The following PDE4DIP variants were observed in gnomAD, a reference collection of about 807,000 sequenced individuals.
PDE4DIP encodes phosphodiesterase 4D interacting protein.
PDE4DIP carries 59 observed loss-of-function variants against 221.4 expected under a neutral mutation model. That is an observed-to-expected ratio of 0.27 (90% CI 0.22 to 0.33). The LOEUF is 0.33. Among genes scored for constraint, PDE4DIP ranks in the 10% least tolerant of loss-of-function variants. The pLI is 1.00. For synonymous variants in PDE4DIP, 404 were observed against 815.9 expected, an observed-to-expected ratio of 0.50 and a Z score of 8.60; for missense variants, 1,036 against 2,154.2, an observed-to-expected ratio of 0.48 and a Z score of 10.28.
intron 5 of PDE4DIP, among the ~76,000 whole-genome samples, chr1:148,958,306 A>G: frequency 6.6e-6 from 1 of 151,486 alleles, no homozygotes; most frequent in Middle Eastern, 3.4e-3. Context: ...TTTCACCTGC[A>G]CTACCGCAGC....
chr1:148,893,055 A>ATGTG (rs1274799026), intron 1 of PDE4DIP, among the ~76,000 whole-genome samples: 1 of 77,728 alleles, frequency 1.3e-5, no homozygotes, highest in African/African-American at 5.5e-5. Flanking sequence ...TTATATATAT[A>ATGTG]TGTGTGTGTC....
Position 148,867,603 on chromosome 1 carries a change from C to T in PDE4DIP, c.290-868C>T, listed in dbSNP as rs1379942954. 2.8e-5 allele frequency among the ~76,000 whole-genome samples: 4 copies of T among 143,548 alleles called. No individual in the cohort carries two copies. In the East Asian group the frequency reaches 6.0e-4, roughly 22 times the overall value. The allele number at this position is 143,548 out of a possible 152,430, so 94.2% of individuals were successfully genotyped here. ...TGGTTACCTTTTGTTATGTGACAAA[C>T]CATCCCAAAACTTAGTGACTTAAAA... On this transcript the variant is annotated intron_variant, in intron 2 of 45. Coordinates refer to the PDE4DIP transcript ENST00000524974.
At chr1:149,023,859 A>C (rs2074166776) in intron 37 of PDE4DIP, among the ~76,000 whole-genome samples, 2 of 151,284 alleles carry the variant, frequency 1.3e-5, no homozygotes, top group Admixed American at 1.3e-4. Context: ...TATATATAGT[A>C]TGTATATACA....
chr1:148,815,169 C>T (rs587770321), intron 1 of PDE4DIP, among the ~76,000 whole-genome samples: 2 of 116,406 alleles, frequency 1.7e-5, no homozygotes, highest in South Asian at 6.2e-4. Flanking sequence ...GACAAAGATC[C>T]AAACCTTTCA....
Position 149,010,438 on chromosome 1 carries a change from T to C in PDE4DIP, c.4928-5T>C, listed in dbSNP as rs2068259889. The C allele has an allele frequency of 4.3e-6, 7 of 1,613,210 alleles. No individual in the cohort carries two copies. In the East Asian group the frequency reaches 1.6e-4, roughly 36 times the overall value. On this transcript the variant is annotated splice_polypyrimidine_tract_variant and splice_region_variant and intron_variant, in intron 30 of 43. Transcript: ENST00000369354. The stretch of plus-strand genomic sequence containing the variant: ...TACGTTTTCTTTCATTCATGGATTT[T>C]ATAGATTCCATCCATCATTCGAGTC...
intron 22 of PDE4DIP, among the ~76,000 whole-genome samples, chr1:148,995,896 GAAAT>G (rs2064107937): frequency 6.9e-6 from 1 of 144,222 alleles, no homozygotes; most frequent in Non-Finnish European, 1.5e-5. Flanking sequence ...AATAAAAAAA[GAAAT>G]AAAAAATAAA....
intron 14 of PDE4DIP, 61 bp from the exon 18 acceptor site, chr1:148,972,119 A>T: frequency 2.3e-6 from 1 of 440,252 alleles, no homozygotes; most frequent in East Asian, 3.5e-5. Context: ...ATAATACCAG[A>T]ACAAAAAATT....
intron 16 of PDE4DIP, among the ~76,000 whole-genome samples, chr1:148,973,148 G>A (rs2059520977): frequency 7.3e-6 from 1 of 137,412 alleles, no homozygotes; most frequent in African/African-American, 2.7e-5. Flanking sequence ...TGTGTTCATT[G>A]CTACATGAAT....
Position 148,912,158 on chromosome 1 carries a change from C to A in PDE4DIP, c.142-17039C>A, listed in dbSNP as rs587770867. The stretch of plus-strand genomic sequence containing the variant: ...CAAATAAACATGACAGTTACCAGTG[C>A]AGGAAGATTTGTTTCTAGGTTTACC... On this transcript the variant is annotated intron_variant, in intron 1 of 43. Transcript: ENST00000369354. 5.2e-4 allele frequency among the ~76,000 whole-genome samples: 75 copies of A among 145,444 alleles called. 3 individuals carry two copies. Among genetic ancestry groups the A allele is most frequent in the Admixed American group, 5.0e-3 (74 of 14,724 alleles).
rs371234564 is a variant in PDE4DIP, at chr1:148,976,567, G to T, written c.2320-1370G>T. On this transcript the variant is annotated intron_variant, in intron 17 of 43. Coordinates refer to ENST00000369354, the Ensembl canonical transcript of PDE4DIP. ...GGACCTTCTCTAAGCTTGGGCTAGT[G>T]CTGGGGATGAGGTAGGTAGTGAATG... Among the ~76,000 whole-genome samples, 10 of 152,230 alleles carry T rather than the reference G, an allele frequency of 6.6e-5. No homozygotes were observed. In the East Asian group the frequency reaches 1.5e-3, roughly 24 times the overall value.
chr1:148,978,414 A>G, exon 19 of PDE4DIP: 1 of 1,588,926 alleles, frequency 6.3e-7, no homozygotes, highest in Non-Finnish European at 8.6e-7. Flanking sequence ...CGAAGACAAC[A>G]GGTAAGTTAC....
chr1:148,953,427 T>G, intron 5 of PDE4DIP: 1 of 1,614,232 alleles, frequency 6.2e-7, no homozygotes, highest in Non-Finnish European at 8.5e-7. Flanking sequence ...TTGTCTGAGG[T>G]TGGGCCACCC....
chr1:148,927,828 G>A (rs1363039011), intron 1 of PDE4DIP, among the ~76,000 whole-genome samples: 7 of 152,162 alleles, frequency 4.6e-5, no homozygotes, highest in African/African-American at 9.6e-5. Flanking sequence ...TTAACATTTT[G>A]CAGAAACCTC....
upstream of PDE4DIP, among the ~76,000 whole-genome samples, chr1:148,885,915 G>T (rs1778623): frequency 0.18 from 14,054 of 78,026 alleles, 1,519 homozygotes; most frequent in Non-Finnish European, 0.2. Flanking sequence ...CTATAATGTA[G>T]AATATACATA....
At chr1:148,937,247 G>GT (rs2049411424) in intron 4 of PDE4DIP, among the ~76,000 whole-genome samples, 1 of 152,200 alleles carries the variant, frequency 6.6e-6, no homozygotes, top group Non-Finnish European at 1.5e-5. Context: ...GACAGAAACA[G>GT]TATATGGTAC....
Position 149,032,394 on chromosome 1 carries a change from A to G in PDE4DIP, c.*409A>G, listed in dbSNP as rs587705372. ...GGACCCTGATTCCGATGAAAGGGGC[A>G]CGTGGTCCCAATGCTGGAGCTCCTC... On this transcript the variant is annotated 3_prime_UTR_variant, in exon 44 of 44. Transcript: ENST00000369354. 6.7e-4 allele frequency: 318 copies of G among 473,210 alleles called. 1 individual carries two copies. The highest frequency in any genetic ancestry group is 5.8e-3 in the African/African-American group (301 of 51,910). The allele number at this position is 473,210 out of a possible 1,614,324, so 29.3% of individuals were successfully genotyped here.
chr1:148,982,116 C>T (rs1308088367), intron 21 of PDE4DIP: 1 of 152,438 alleles, frequency 6.6e-6, no homozygotes, highest in African/African-American at 2.4e-5. Context: ...GACTGTTGTA[C>T]ACAAGTGAAA....
chr1:148,923,403 A>G (rs3121586), intron 1 of PDE4DIP, among the ~76,000 whole-genome samples: 1 of 150,090 alleles, frequency 6.7e-6, no homozygotes, highest in Non-Finnish European at 1.5e-5. Flanking sequence ...ACTCTTTCAA[A>G]GCTTTTACTG....
rs371129896 is a variant in PDE4DIP, at chr1:148,832,237, C to G, written c.233+23500C>G. On this transcript the variant is annotated intron_variant, in intron 1 of 45. Coordinates refer to the PDE4DIP transcript ENST00000524974. The stretch of plus-strand genomic sequence containing the variant: ...GTTCACTCATGATTTGGCTGTTTGT[C>G]TTTTACTGGTGTATAAGAATGCTTG... 2.4e-4 allele frequency among the ~76,000 whole-genome samples: 8 copies of G among 34,022 alleles called. No homozygotes were observed. The East Asian group carries it at 4.2e-3, about 18-fold the overall frequency. The allele number at this position is 34,022 out of a possible 152,430, so 22.3% of individuals were successfully genotyped here.
Sources: gnomAD v4.1 joint callset for allele counts (sites outside exome capture counted in the v4.1 genomes callset) on GRCh38, gnomAD v4.1.1 for gene constraint, MANE v1.5 for transcripts, NCBI Gene and HGNC (gene_info 2026-07-23, HGNC 2026-07-21) for gene names.